ANKRD30B: variants seen among roughly 807,000 people sequenced by gnomAD.
The protein encoded by ANKRD30B is ankyrin repeat domain-containing protein 30B.
ANKRD30B carries 144 observed loss-of-function variants against 202.2 expected under a neutral mutation model. The ratio of observed to expected loss-of-function variants is 0.71; its 90% confidence interval spans 0.62 to 0.82. The LOEUF (loss-of-function observed/expected upper bound fraction) is 0.82. Among genes scored for constraint, ANKRD30B ranks in the 40% least tolerant of loss-of-function variants. ANKRD30B has a pLI of 0.00. For missense variants in ANKRD30B, 1,487 were observed against 1,669.1 expected, an observed-to-expected ratio of 0.89 and a Z score of 1.90; for synonymous variants, 508 against 561.3, an observed-to-expected ratio of 0.91 and a Z score of 1.34.
chr18:14,763,686 A>G lies in ANKRD30B; in HGVS notation c.821A>G (p.Glu274Gly), dbSNP rs540854251. The change falls in exon 7 of 44, where the codon GAA becomes GGA. Residue 274 changes from glutamate (E) to glycine (G), a missense_variant and splice_region_variant. Glu to Gly is a moderately conservative substitution (Grantham distance 98, BLOSUM62 -2). This residue lies in a region of ANKRD30B where 889 missense variants were observed against 841.4 expected (regional missense o/e 1.06). Coordinates refer to ENST00000690538, the MANE Select transcript of ANKRD30B (RefSeq NM_001367607.2). ...LPKNPQNTNPEGTSTGTPDEA... is the reference protein window; with the variant it reads ...LPKNPQNTNPGGTSTGTPDEA... The stretch of plus-strand genomic sequence containing the variant: ...TTTAACCAGATTGTGTGTTTGGCAG[A>G]AGGAACATCTACAGGAACACCTGAT... 3 of 1,613,634 alleles carry G rather than the reference A, an allele frequency of 1.9e-6. No homozygotes were observed. The highest frequency in any genetic ancestry group is 1.1e-5 in the South Asian group (1 of 90,890).
At chr18:14,819,585 C>G (rs1424275610) in intron 30 of ANKRD30B, among the ~76,000 whole-genome samples, 2 of 151,114 alleles carry the variant, frequency 1.3e-5, no homozygotes, top group South Asian at 2.1e-4. Flanking sequence ...ACATATGGCT[C>G]GCCAGTTTTC....
chr18:14,926,892 G>T, the ANKRD30B span, among the ~76,000 whole-genome samples: 1 of 152,130 alleles, frequency 6.6e-6, no homozygotes, highest in Non-Finnish European at 1.5e-5. Flanking sequence ...ACAAAGCACT[G>T]TCTATGTGTA....
chr18:14,911,592 T>C, the ANKRD30B span, among the ~76,000 whole-genome samples: 10 of 134,718 alleles, frequency 7.4e-5, no homozygotes, highest in African/African-American at 2.9e-4. Flanking sequence ...TGCACATGAT[T>C]GCTTTGGATA....
chr18:14,821,026 T>G (rs1970387525), intron 30 of ANKRD30B, among the ~76,000 whole-genome samples: 1 of 152,224 alleles, frequency 6.6e-6, no homozygotes. Context: ...TATTGATTAT[T>G]GCCACAATTT....
chr18:14,873,924 C>A, the ANKRD30B span, among the ~76,000 whole-genome samples: 2 of 152,104 alleles, frequency 1.3e-5, no homozygotes, highest in Non-Finnish European at 2.9e-5. Context: ...TCTTAACCTG[C>A]CAGCACTTGT....
At chr18:14,851,251 T>C (rs1324972989) in intron 41 of ANKRD30B, among the ~76,000 whole-genome samples, 8 of 151,480 alleles carry the variant, frequency 5.3e-5, no homozygotes, top group African/African-American at 1.7e-4. Context: ...TTTTTTTTTT[T>C]CAATTCTGAG....
chr18:14,768,444 C>A (rs1206404826), intron 7 of ANKRD30B, among the ~76,000 whole-genome samples: 1 of 152,158 alleles, frequency 6.6e-6, no homozygotes, highest in Non-Finnish European at 1.5e-5. Flanking sequence ...CAACTTGAAA[C>A]CAGCTGGTTA....
At chr18:14,940,830 A>G in the ANKRD30B span, among the ~76,000 whole-genome samples, 6 of 152,288 alleles carry the variant, frequency 3.9e-5, no homozygotes, top group South Asian at 1.2e-3. Context: ...TATTTTGCAA[A>G]TGAAAGTCAA....
the ANKRD30B span, among the ~76,000 whole-genome samples, chr18:14,926,761 C>T: frequency 6.6e-6 from 1 of 152,040 alleles, no homozygotes; most frequent in African/African-American, 2.4e-5. Flanking sequence ...CCCATCTCTA[C>T]AAAAATTAAA....
At chr18:14,824,527 T>G (rs1247280324) in intron 32 of ANKRD30B, among the ~76,000 whole-genome samples, 1 of 152,168 alleles carries the variant, frequency 6.6e-6, no homozygotes, top group East Asian at 1.9e-4. Context: ...CAAATGTTCT[T>G]ACTGTGATTA....
At chr18:14,759,601 A>G (rs1180804144) in intron 5 of ANKRD30B, among the ~76,000 whole-genome samples, 1 of 152,204 alleles carries the variant, frequency 6.6e-6, no homozygotes, top group Non-Finnish European at 1.5e-5. Flanking sequence ...TCTAACAAAG[A>G]TTTGTTGATT....
intron 10 of ANKRD30B, among the ~76,000 whole-genome samples, chr18:14,778,283 C>A (rs1967508120): frequency 6.6e-6 from 1 of 152,038 alleles, no homozygotes; most frequent in African/African-American, 2.4e-5. Context: ...AGTTTAAATT[C>A]AATATACTGT....
the ANKRD30B span, among the ~76,000 whole-genome samples, chr18:14,863,080 G>A: frequency 4.6e-5 from 7 of 152,122 alleles, no homozygotes; most frequent in Admixed American, 1.3e-4. Flanking sequence ...ATGAGATTTC[G>A]GACTTTTGAG....
intron 22 of ANKRD30B, 90 bp downstream of exon 22, chr18:14,799,385 C>T (rs1457507424): frequency 8.1e-7 from 1 of 1,241,398 alleles, no homozygotes; most frequent in Non-Finnish European, 1.1e-6. Flanking sequence ...ATGTTGTTTT[C>T]TTTTCAAAAT....
the ANKRD30B span, among the ~76,000 whole-genome samples, chr18:14,864,605 C>T: frequency 6.6e-6 from 1 of 151,700 alleles, no homozygotes; most frequent in East Asian, 1.9e-4. Context: ...TACCCCAAAA[C>T]TTTTCCCCAA....
At position 14,852,383 on chromosome 18, in the gene ANKRD30B, G is replaced by A. The variant is rs867355126; in HGVS notation, c.4439G>A (p.Arg1480His). The change falls in exon 42 of 44, where the codon CGT becomes CAT. Residue 1480 changes from arginine (R) to histidine (H), a missense_variant. By Grantham distance (29) the Arg-to-His change is conservative. Transcript: ENST00000690538. ...VFNYGNHLKE[R>H]IDQYEKEKAE... ...AATTATGGTAACCATTTAAAAGAACGTATAGATCAATATGAAAAAGAGAAA... is the reference window on the plus strand; with the variant it reads ...AATTATGGTAACCATTTAAAAGAACATATAGATCAATATGAAAAAGAGAAA... The A allele has an allele frequency of 6.5e-6, 10 of 1,531,236 alleles. No individual in the cohort carries two copies. Among genetic ancestry groups the A allele is most frequent in the East Asian group, 2.5e-5 (1 of 40,800 alleles). 94.9% of individuals were successfully genotyped at this position (1,531,236 alleles called of 1,614,324 possible). A position where few individuals can be genotyped will look rare whatever the true frequency, so the allele number is the denominator to read the frequency against.
At chr18:14,871,268 C>T in the ANKRD30B span, among the ~76,000 whole-genome samples, 6 of 110,808 alleles carry the variant, frequency 5.4e-5, no homozygotes, top group Non-Finnish European at 7.0e-5. Context: ...CCCCTACATT[C>T]GCTTGCTCCA....
chr18:14,817,792 A>G (rs1243692173), intron 30 of ANKRD30B, among the ~76,000 whole-genome samples: 2 of 152,212 alleles, frequency 1.3e-5, no homozygotes, highest in Non-Finnish European at 2.9e-5. Context: ...TAAAGATATT[A>G]ATGAATCGAG....
In ANKRD30B at chr18:14,851,905, G is replaced by T. The variant is rs1182646648; in HGVS notation, c.3961G>T (p.Ala1321Ser). The T allele has an allele frequency of 1.9e-6, 3 of 1,597,926 alleles. No homozygotes were observed. The Admixed American group carries it at 5.2e-5, about 28-fold the overall frequency. The change falls in exon 42 of 44, where the codon GCT becomes TCT. Residue 1321 changes from alanine to serine, a missense_variant. Physicochemically the swap from Ala to Ser is moderately conservative, Grantham distance 99 (BLOSUM62 1). Transcript: ENST00000690538. ...CACATCAAGAAAAAACCAAGAACTT[G>T]CTTTCCACAGTGCAGGAGATGCTCC... Reference protein sequence around the residue: ...SVTSRKNQELAFHSAGDAPLQ... With the variant: ...SVTSRKNQELSFHSAGDAPLQ...
Sources: gnomAD v4.1 joint callset for allele counts (sites outside exome capture counted in the v4.1 genomes callset) on GRCh38, gnomAD v4.1.1 for gene constraint, gnomAD v4.1.1 regional missense constraint, MANE v1.5 for transcripts, NCBI Gene and HGNC (gene_info 2026-07-23, HGNC 2026-07-21) for gene names.